The following ARHGEF4 variants were observed in gnomAD, a reference collection of about 807,000 sequenced individuals.
ARHGEF4 encodes the protein APC-stimulated guanine nucleotide exchange factor 1.
Under a neutral mutation model 162.0 loss-of-function variants are expected in ARHGEF4, and 119 were observed. That is an observed-to-expected ratio of 0.73 (90% CI 0.63 to 0.86). The LOEUF is 0.86. Ranked by LOEUF, ARHGEF4 falls within the 40% of genes least tolerant of loss-of-function variation. The pLI is 0.00. For synonymous variants in ARHGEF4, 1,014 were observed against 979.9 expected, an observed-to-expected ratio of 1.03 and a Z score of -0.65; for missense variants, 2,488 against 2,456.0, an observed-to-expected ratio of 1.01 and a Z score of -0.28.
intron 5 of ARHGEF4, among the ~76,000 whole-genome samples, chr2:131,037,206 G>C (rs936094655): frequency 1.3e-5 from 2 of 152,208 alleles, no homozygotes; most frequent in African/African-American, 2.4e-5. Context: ...ACTCTGAGGA[G>C]AGCGTCCATC....
At chr2:131,010,325 G>T (rs866815587) in intron 4 of ARHGEF4, among the ~76,000 whole-genome samples, 1 of 152,344 alleles carries the variant, frequency 6.6e-6, no homozygotes, top group Middle Eastern at 3.4e-3. Flanking sequence ...TCAGCCAGGG[G>T]TATTCCTGTG....
intron 4 of ARHGEF4, among the ~76,000 whole-genome samples, chr2:130,974,133 A>G (rs1434074765): frequency 6.6e-6 from 1 of 151,820 alleles, no homozygotes; most frequent in Non-Finnish European, 1.5e-5. Flanking sequence ...TTAGCCAGGC[A>G]TGATGGCACA....
chr2:130,865,174 AAG>A (rs2104914719), intron 1 of ARHGEF4, among the ~76,000 whole-genome samples: 1 of 152,364 alleles, frequency 6.6e-6, no homozygotes, highest in Non-Finnish European at 1.5e-5. Context: ...GGCATCTCAG[AAG>A]AGAGAGGAAA....
At chr2:130,897,241 G>A (rs1680213408) in intron 1 of ARHGEF4, among the ~76,000 whole-genome samples, 1 of 152,226 alleles carries the variant, frequency 6.6e-6, no homozygotes, top group African/African-American at 2.4e-5. Flanking sequence ...GCAGCATGTG[G>A]ATAAGTGAAC....
chr2:131,034,848 G>A (rs2087366284), intron 5 of ARHGEF4: 2 of 349,208 alleles, frequency 5.7e-6, no homozygotes, highest in Non-Finnish European at 8.1e-6. Context: ...CGCCCGAGCC[G>A]CCGCGGTCCC....
At chr2:130,878,728 C>T (rs143135044) in intron 1 of ARHGEF4, among the ~76,000 whole-genome samples, 4 of 152,300 alleles carry the variant, frequency 2.6e-5, no homozygotes, top group East Asian at 1.9e-4. Flanking sequence ...CATTTTCAAT[C>T]GAATTAAATG....
rs1681535453 is a variant in ARHGEF4 at position 130,916,914 on chromosome 2, G to A, written c.2968G>A (p.Glu990Lys). The change falls in exon 2 of 14, where the codon GAA becomes AAA. Residue 990 changes from glutamate (E) to lysine (K), a missense_variant. Physicochemically the swap from Glu to Lys is moderately conservative, Grantham distance 56 (BLOSUM62 1). This residue lies in a region of ARHGEF4 where 1,642 missense variants were observed against 1,481.5 expected (regional missense o/e 1.11). Coordinates refer to ENST00000409359, the MANE Select transcript of ARHGEF4 (RefSeq NM_001367493.1). ...SPAETDSHCE[E>K]RAEDKEGYVF... ...AGCAGAGACCGACAGCCACTGTGAGGAACGGGCGGAGGACAAAGAGGGCTA... is the reference window on the plus strand; with the variant it reads ...AGCAGAGACCGACAGCCACTGTGAGAAACGGGCGGAGGACAAAGAGGGCTA... 11 of 1,550,610 alleles carry A rather than the reference G, an allele frequency of 7.1e-6. No individual in the cohort carries two copies. The highest frequency in any genetic ancestry group is 8.7e-6 in the Non-Finnish European group (10 of 1,147,008).
chr2:130,891,281 C>T (rs1212354318), intron 1 of ARHGEF4, among the ~76,000 whole-genome samples: 3 of 152,098 alleles, frequency 2.0e-5, no homozygotes, highest in African/African-American at 7.2e-5. Context: ...TGCAAATATA[C>T]ATGTATATTA....
At chr2:130,876,332 C>T (rs940789740) in intron 1 of ARHGEF4, among the ~76,000 whole-genome samples, 1 of 152,200 alleles carries the variant, frequency 6.6e-6, no homozygotes, top group Non-Finnish European at 1.5e-5. Flanking sequence ...TATGGAAATG[C>T]CAGCACTTAG....
rs1424723980 is a variant in ARHGEF4, at chr2:130,916,777, A to G, written c.2831A>G (p.Lys944Arg). The G allele has an allele frequency of 2.6e-6, 4 of 1,550,638 alleles. No homozygotes were observed. The Admixed American group carries it at 7.8e-5, about 30-fold the overall frequency. ...SPSSPKGEKE[K>R]SRLRQGSWRA... ...AGTTCTCCCAAGGGCGAGAAGGAGA[A>G]GAGCAGGCTGCGCCAGGGTTCCTGG... is the stretch of plus-strand genomic sequence containing the variant. Residue 944 changes from lysine to arginine, a missense_variant, in exon 2 of 14, where the codon AAG (lysine) becomes AGG (arginine). This residue lies in a region of ARHGEF4 where 1,642 missense variants were observed against 1,481.5 expected (regional missense o/e 1.11). Coordinates refer to ENST00000409359, the MANE Select transcript of ARHGEF4 (RefSeq NM_001367493.1).
intron 4 of ARHGEF4, among the ~76,000 whole-genome samples, chr2:130,995,327 G>T (rs1429109996): frequency 2.0e-5 from 3 of 152,176 alleles, no homozygotes; most frequent in Non-Finnish European, 4.4e-5. Context: ...TTTGTTTCCA[G>T]TTATTGAATA....
chr2:130,992,798 C>T (rs944317915), intron 4 of ARHGEF4, among the ~76,000 whole-genome samples: 2 of 152,158 alleles, frequency 1.3e-5, no homozygotes, highest in African/African-American at 4.8e-5. Context: ...AAAGTACAGA[C>T]ATCGGCCAGG....
chr2:131,017,093 A>C (rs1407132948), intron 4 of ARHGEF4, among the ~76,000 whole-genome samples: 1 of 152,190 alleles, frequency 6.6e-6, no homozygotes, highest in Non-Finnish European at 1.5e-5. Context: ...TCCAAAATCA[A>C]GACTGGCCTT....
intron 4 of ARHGEF4, among the ~76,000 whole-genome samples, chr2:131,017,519 A>G (rs1688845891): frequency 6.6e-6 from 1 of 152,192 alleles, no homozygotes; most frequent in African/African-American, 2.4e-5. Flanking sequence ...AATTTGCTAG[A>G]TGAACAATCA....
intron 4 of ARHGEF4, among the ~76,000 whole-genome samples, chr2:130,973,820 G>GT: frequency 1.3e-5 from 2 of 152,304 alleles, no homozygotes; most frequent in South Asian, 4.1e-4. Context: ...TGCAAGGTGA[G>GT]AGAATAGATG....
rs549689627 is a variant in ARHGEF4, at chr2:130,848,481, A to G, written c.39+11489A>G. ...TAGTAAAGGTTGGCAGCCTTGTGAGAATTCAACGAAGGCTCTGAGCACTGG... is the reference window on the plus strand; with the variant it reads ...TAGTAAAGGTTGGCAGCCTTGTGAGGATTCAACGAAGGCTCTGAGCACTGG... On this transcript the variant is annotated intron_variant, in intron 1 of 13. Transcript: ENST00000409359. 2.6e-5 allele frequency among the ~76,000 whole-genome samples: 4 copies of G among 152,248 alleles called. No individual in the cohort carries two copies. The South Asian group carries it at 8.3e-4, about 32-fold the overall frequency.
intron 4 of ARHGEF4, among the ~76,000 whole-genome samples, chr2:130,951,428 C>T (rs1490005338): frequency 1.3e-5 from 2 of 152,140 alleles, no homozygotes; most frequent in Non-Finnish European, 2.9e-5. Context: ...GCCTAATTTC[C>T]ATATTGTGTC....
At chr2:131,035,153 T>C in intron 5 of ARHGEF4, 11 of 1,211,838 alleles carry the variant, frequency 9.1e-6, no homozygotes, top group Non-Finnish European at 1.1e-5. Flanking sequence ...CTGCGCGCCC[T>C]GCTGCGCTGC....
chr2:131,011,835 C>A (rs2105333489), intron 4 of ARHGEF4: 2 of 727,016 alleles, frequency 2.8e-6, no homozygotes, highest in Non-Finnish European at 4.9e-6. Flanking sequence ...AGAGGGAAGA[C>A]CAGCTGGAGG....
Sources: gnomAD v4.1 joint callset for allele counts (sites outside exome capture counted in the v4.1 genomes callset) on GRCh38, gnomAD v4.1.1 for gene constraint, gnomAD v4.1.1 regional missense constraint, MANE v1.5 for transcripts, NCBI Gene and HGNC (gene_info 2026-07-23, HGNC 2026-07-21) for gene names.